The following VTI1A variants were observed in gnomAD, a reference collection of about 807,000 sequenced individuals.
VTI1A encodes vesicle transport through interaction with t-SNAREs 1A.
Under a neutral mutation model 34.9 loss-of-function variants are expected in VTI1A, and 22 were observed. The observed-to-expected ratio is 0.63, with a 90% CI of 0.45 to 0.90. The LOEUF (loss-of-function observed/expected upper bound fraction) is 0.90. Ranked by LOEUF, VTI1A falls within the 40% of genes least tolerant of loss-of-function variation. The pLI is 0.00. For missense variants in VTI1A, 268 were observed against 275.6 expected (o/e 0.97, Z 0.20); for synonymous variants, 87 against 97.3 (o/e 0.89, Z 0.62).
chr10:112,470,554 A>T (rs751474048), intron 3 of VTI1A, among the ~76,000 whole-genome samples: 2 of 152,114 alleles, frequency 1.3e-5, no homozygotes, highest in African/African-American at 4.8e-5. Context: ...GGAAGAATGG[A>T]TGGGAGCCTG....
At chr10:112,687,046 A>T (rs1328550743) in intron 7 of VTI1A, among the ~76,000 whole-genome samples, 1 of 151,816 alleles carries the variant, frequency 6.6e-6, no homozygotes, top group Non-Finnish European at 1.5e-5. Flanking sequence ...AGCTCTGCTG[A>T]GTGTGGCATA....
chr10:112,565,180 G>T (rs1851869270), intron 5 of VTI1A, among the ~76,000 whole-genome samples: 1 of 152,008 alleles, frequency 6.6e-6, no homozygotes, highest in Non-Finnish European at 1.5e-5. Context: ...TGTTTAGTTG[G>T]CCTAATACAG....
intron 4 of VTI1A, among the ~76,000 whole-genome samples, chr10:112,536,926 T>C (rs1251646910): frequency 6.6e-6 from 1 of 152,048 alleles, no homozygotes; most frequent in Admixed American, 6.6e-5. Context: ...AAGCGAGATA[T>C]TCTGTCAGCA....
At chr10:112,458,165 G>A (rs1847604090) in intron 1 of VTI1A, among the ~76,000 whole-genome samples, 1 of 152,134 alleles carries the variant, frequency 6.6e-6, no homozygotes, top group African/African-American at 2.4e-5. Flanking sequence ...TTTTGCTAAT[G>A]AGAAAAACTG....
intron 5 of VTI1A, among the ~76,000 whole-genome samples, chr10:112,665,253 GTTGTC>G (rs1272433093): frequency 1.3e-5 from 2 of 150,444 alleles, no homozygotes; most frequent in East Asian, 1.9e-4. Flanking sequence ...CCTCTAATTT[GTTGTC>G]TTGTTTTGTT....
In VTI1A at chr10:112,722,134, A is replaced by T. The variant is rs542199303; in HGVS notation, c.560+53136A>T. On this transcript the variant is annotated intron_variant, in intron 7 of 7. Transcript: ENST00000393077. ...GTACAGGGTTTTCTCTTTAAAAGAA[A>T]GTAACCAAATTTATCAACCTGGATT... 1.2e-4 allele frequency among the ~76,000 whole-genome samples: 18 copies of T among 152,372 alleles called. No homozygotes were observed. The South Asian group carries it at 3.7e-3, about 32-fold the overall frequency.
chr10:112,548,127 T>C (rs1851205896), intron 5 of VTI1A, among the ~76,000 whole-genome samples: 1 of 152,200 alleles, frequency 6.6e-6, no homozygotes, highest in South Asian at 2.1e-4. Context: ...CGTCTCATTA[T>C]ATGGAGATTT....
intron 7 of VTI1A, among the ~76,000 whole-genome samples, chr10:112,786,631 G>T (rs548493495): frequency 1.3e-5 from 2 of 152,082 alleles, no homozygotes; most frequent in Non-Finnish European, 2.9e-5. Flanking sequence ...CAAGTTTGTC[G>T]AGAGTTTCTA....
intron 7 of VTI1A, chr10:112,736,998 C>G (rs1163074283): frequency 1.8e-6 from 1 of 562,450 alleles, no homozygotes; most frequent in Non-Finnish European, 3.2e-6. Flanking sequence ...CCTTCCCATC[C>G]CAGAGCTTTA....
At chr10:112,483,896 T>G in intron 3 of VTI1A, among the ~76,000 whole-genome samples, 1 of 152,204 alleles carries the variant, frequency 6.6e-6, no homozygotes, top group Non-Finnish European at 1.5e-5. Context: ...CAGGAGGTGA[T>G]GAAAGCTAAC....
chr10:112,636,691 T>G (rs1180527453), intron 5 of VTI1A, among the ~76,000 whole-genome samples: 2 of 141,086 alleles, frequency 1.4e-5, no homozygotes, highest in Non-Finnish European at 3.0e-5. Flanking sequence ...ATTGCACCAC[T>G]GCACTCCAGC....
chr10:112,711,295 A>G (rs1849405771), intron 7 of VTI1A, among the ~76,000 whole-genome samples: 1 of 152,318 alleles, frequency 6.6e-6, no homozygotes, highest in Admixed American at 6.5e-5. Flanking sequence ...CAGTTTAACA[A>G]ATGTGCTGTT....
At chr10:112,738,334 T>C (rs987242054) in intron 7 of VTI1A, among the ~76,000 whole-genome samples, 3 of 152,242 alleles carry the variant, frequency 2.0e-5, no homozygotes, top group Non-Finnish European at 4.4e-5. Flanking sequence ...AGAATAACTA[T>C]TCTTTCCTCT....
At chr10:112,479,367 C>G (rs1003042725) in intron 3 of VTI1A, among the ~76,000 whole-genome samples, 1 of 151,628 alleles carries the variant, frequency 6.6e-6, no homozygotes, top group East Asian at 1.9e-4. Context: ...TTGTTTCTCT[C>G]TCCCACCTTA....
At chr10:112,609,109 C>CTTATT (rs886516828) in intron 5 of VTI1A, among the ~76,000 whole-genome samples, 1 of 152,058 alleles carries the variant, frequency 6.6e-6, no homozygotes, top group African/African-American at 2.4e-5. Context: ...TTTGGTGAAT[C>CTTATT]TTATTTTATT....
the VTI1A span, among the ~76,000 whole-genome samples, chr10:112,850,498 A>T: frequency 6.6e-6 from 1 of 152,088 alleles, no homozygotes; most frequent in Admixed American, 6.6e-5. Flanking sequence ...AACCCCCAAG[A>T]CTCCCAAGAC....
intron 7 of VTI1A, chr10:112,752,600 T>C: frequency 2.0e-6 from 2 of 984,804 alleles, no homozygotes; most frequent in Non-Finnish European, 2.4e-6. Context: ...GTATTTTCTT[T>C]CTGCTGTGGC....
In VTI1A at chr10:112,816,303, C is replaced by T. The variant is rs1853520748; in HGVS notation, c.*920C>T. The T allele has an allele frequency of 4.6e-6, 1 of 217,002 alleles. No homozygotes were observed. The highest frequency in any genetic ancestry group is 2.2e-5 in the African/African-American group (1 of 44,602). The allele number at this position is 217,002 out of a possible 1,614,324, so 13.4% of individuals were successfully genotyped here. The stretch of plus-strand genomic sequence containing the variant: ...GAGACCATGAATATTTCAGTAAGAG[C>T]AAGAACATGACTCCATCAGTGTGAA... On this transcript the variant is annotated 3_prime_UTR_variant, in exon 8 of 8. Coordinates refer to ENST00000393077, the MANE Select transcript of VTI1A (RefSeq NM_145206.4).
Position 112,701,390 on chromosome 10 carries a change from G to A in VTI1A, c.560+32392G>A, listed in dbSNP as rs904102411. ...AGATCCCAGAGGGAAATTTAGGGGG[G>A]CTCTTCATTCTGTTTTGTCCTGAAA... On this transcript the variant is annotated intron_variant, in intron 7 of 7. Transcript: ENST00000393077. Among the ~76,000 whole-genome samples the A allele has an allele frequency of 6.2e-4, 94 of 152,150 alleles. 1 individual carries two copies. Among genetic ancestry groups the A allele is most frequent in the Middle Eastern group, 3.2e-3 (1 of 316 alleles).
Sources: gnomAD v4.1 joint callset for allele counts (sites outside exome capture counted in the v4.1 genomes callset) on GRCh38, gnomAD v4.1.1 for gene constraint, MANE v1.5 for transcripts, NCBI Gene and HGNC (gene_info 2026-07-23, HGNC 2026-07-21) for gene names.